The following PCDHGA7 variants were observed in gnomAD, a reference collection of about 807,000 sequenced individuals.
PCDHGA7 encodes the protein protocadherin gamma subfamily A, 7.
A neutral mutation model predicts 58.3 loss-of-function variants in PCDHGA7; 44 were observed. The observed-to-expected ratio is 0.75, with a 90% confidence interval of 0.59 to 0.97. The LOEUF (loss-of-function observed/expected upper bound fraction) is 0.97. PCDHGA7 is among the 50% of genes least tolerant of loss of function. The pLI, the probability that PCDHGA7 is intolerant of heterozygous loss-of-function variation, is 0.00. For missense variants in PCDHGA7, 1,266 were observed against 1,188.7 expected, an observed-to-expected ratio of 1.06 and a Z score of -0.96; for synonymous variants, 516 against 504.2, an observed-to-expected ratio of 1.02 and a Z score of -0.31.
At chr5:141,413,877 G>GAC (rs751994783) in intron 1 of PCDHGA7, 1 of 1,613,386 alleles carries the variant, frequency 6.2e-7, no homozygotes. Flanking sequence ...TTGTCAGTGT[G>GAC]ACTGTCTTCG....
intron 1 of PCDHGA7, chr5:141,410,350 A>G (rs2154543015): frequency 1.2e-6 from 2 of 1,613,912 alleles, no homozygotes; most frequent in South Asian, 1.1e-5. Context: ...TGCGCCTGCG[A>G]CGCTCTCTCA....
At chr5:141,458,988 C>T (rs996478276) in intron 1 of PCDHGA7, among the ~76,000 whole-genome samples, 1 of 152,208 alleles carries the variant, frequency 6.6e-6, no homozygotes, top group South Asian at 2.1e-4. Context: ...CTGCCTCACC[C>T]TCCCAAAGTG....
Position 141,431,431 on chromosome 5 carries a change from C to T in PCDHGA7, c.2424+46108C>T, listed in dbSNP as rs776557037. ...ACGGGGGCGACCCGGTGCGCACAGG[C>T]ACCGCGCGCATCCGCGTGATGGTTC... is the stretch of plus-strand genomic sequence containing the variant. On this transcript the variant is annotated intron_variant, in intron 1 of 3. Transcript: ENST00000518325. This position sits in a 1 kb window ranked among gnomAD's most constrained non-coding sequence, Gnocchi z 4.8. 11 of 1,613,586 alleles carry T rather than the reference C, an allele frequency of 6.8e-6. No individual in the cohort carries two copies. The East Asian group carries it at 1.1e-4, about 16-fold the overall frequency.
intron 1 of PCDHGA7, among the ~76,000 whole-genome samples, chr5:141,445,357 G>C (rs115045385): frequency 0.013 from 1,909 of 152,252 alleles, 31 homozygotes; most frequent in African/African-American, 0.044. Flanking sequence ...GTCTGCCCAA[G>C]TCTGGTCCTG....
At chr5:141,424,198 C>A (rs116187844) in intron 1 of PCDHGA7, 2 of 181,904 alleles carry the variant, frequency 1.1e-5, no homozygotes, top group South Asian at 1.9e-4. Context: ...CACTTATACA[C>A]GTAAGCTTTT....
At position 141,512,047 on chromosome 5, in the gene PCDHGA7, C is replaced by T. The variant is rs1183612907; in HGVS notation, c.*874C>T. 1 of 152,722 alleles carries T rather than the reference C, an allele frequency of 6.5e-6. No individual in the cohort carries two copies. The highest frequency in any genetic ancestry group is 1.5e-5 in the Non-Finnish European group (1 of 68,120). The allele number at this position is 152,722 out of a possible 1,614,324, so 9.5% of individuals were successfully genotyped here. A position where few individuals can be genotyped will look rare whatever the true frequency, so the allele number is the denominator to read the frequency against. On this transcript the variant is annotated 3_prime_UTR_variant, in exon 4 of 4. Coordinates refer to ENST00000518325, the MANE Select transcript of PCDHGA7 (RefSeq NM_018920.4). The stretch of plus-strand genomic sequence containing the variant: ...CCTTGGAGGAGGCTCTGTATGTCCT[C>T]AGGGGACTGACAACATCCTCCAGAT...
At chr5:141,452,781 A>G (rs575869415) in intron 1 of PCDHGA7, among the ~76,000 whole-genome samples, 10 of 152,302 alleles carry the variant, frequency 6.6e-5, no homozygotes, top group African/African-American at 2.4e-4. Flanking sequence ...CTGAGAAAGT[A>G]ACATACCATC....
At chr5:141,473,939 C>T (rs1301939679) in intron 1 of PCDHGA7, among the ~76,000 whole-genome samples, 2 of 152,068 alleles carry the variant, frequency 1.3e-5, no homozygotes, top group African/African-American at 2.4e-5. Context: ...TGCAGTAGCT[C>T]AGGCCTGTAG....
chr5:141,482,248 C>G (rs1056466272), intron 1 of PCDHGA7, among the ~76,000 whole-genome samples: 1 of 152,084 alleles, frequency 6.6e-6, no homozygotes, highest in African/African-American at 2.4e-5. Context: ...AAGTATAGTA[C>G]TGTACATATT....
At chr5:141,433,343 G>A (rs1591274674) in intron 1 of PCDHGA7, 1 of 630,308 alleles carries the variant, frequency 1.6e-6, no homozygotes, top group Admixed American at 3.0e-5. Flanking sequence ...ACAGGTGCAA[G>A]CCACCTACTG....
chr5:141,389,930 C>G (rs1255366269), intron 1 of PCDHGA7: 1 of 1,614,064 alleles, frequency 6.2e-7, no homozygotes, highest in East Asian at 2.2e-5. Flanking sequence ...CCTCTGACCT[C>G]CAGGCTGAGC....
At chr5:141,438,053 C>T (rs1023159995) in intron 1 of PCDHGA7, among the ~76,000 whole-genome samples, 2 of 152,112 alleles carry the variant, frequency 1.3e-5, no homozygotes, top group African/African-American at 4.8e-5. Context: ...TTTGAGTTCA[C>T]TTTTAAGAAA....
intron 3 of PCDHGA7, chr5:141,507,166 GTCC>G (rs1475125845): frequency 6.6e-5 from 10 of 152,288 alleles, no homozygotes; most frequent in Non-Finnish European, 1.2e-4. Context: ...ATGAGAGGCT[GTCC>G]TCTTCCTCGA....
chr5:141,490,288 G>A lies in PCDHGA7; in HGVS notation c.2425-4519G>A. On this transcript the variant is annotated intron_variant, in intron 1 of 3. Coordinates refer to ENST00000518325, the MANE Select transcript of PCDHGA7 (RefSeq NM_018920.4). The surrounding 1 kb of genome is among the most constrained non-coding windows in gnomAD (Gnocchi z 5.4). ...GGATGTCAATGACAATGCCCCAGAG[G>A]TGCTATTGGCCTCTTTGGCCAACCC... The A allele has an allele frequency of 3.7e-6, 6 of 1,614,198 alleles. No individual in the cohort carries two copies. The highest frequency in any genetic ancestry group is 5.1e-6 in the Non-Finnish European group (6 of 1,180,042).
chr5:141,389,905 C>T (rs1254194844), intron 1 of PCDHGA7: 1 of 1,613,984 alleles, frequency 6.2e-7, no homozygotes, highest in Non-Finnish European at 8.5e-7. Flanking sequence ...CCGGATATCA[C>T]TGACCGCCCC....
At chr5:141,394,395 C>A (rs1238779909) in intron 1 of PCDHGA7, 3 of 1,614,146 alleles carry the variant, frequency 1.9e-6, no homozygotes, top group African/African-American at 1.3e-5. Context: ...GATCCGAGAC[C>A]TGCAGCTACT....
chr5:141,402,451 G>A (rs2094267451), intron 1 of PCDHGA7, among the ~76,000 whole-genome samples: 1 of 152,016 alleles, frequency 6.6e-6, no homozygotes. Context: ...AATTATAATA[G>A]TTTACATATC....
chr5:141,430,048 A>G (rs2097258677), intron 1 of PCDHGA7, among the ~76,000 whole-genome samples: 1 of 152,222 alleles, frequency 6.6e-6, no homozygotes, highest in African/African-American at 2.4e-5. Flanking sequence ...AATGTATACA[A>G]TCACATATCA....
Position 141,420,738 on chromosome 5 carries a change from T to C in PCDHGA7, c.2424+35415T>C, listed in dbSNP as rs550966989. 1.5e-4 allele frequency among the ~76,000 whole-genome samples: 23 copies of C among 152,358 alleles called. 1 individual carries two copies. In the South Asian group the frequency reaches 4.6e-3, roughly 30 times the overall value. ...GTTCCTTTCAGTCGGTTAAAATCAA[T>C]TGGAACCAACTACAACCTACAAGTT... On this transcript the variant is annotated intron_variant, in intron 1 of 3. Transcript: ENST00000518325.
Sources: gnomAD v4.1 joint callset for allele counts (sites outside exome capture counted in the v4.1 genomes callset) on GRCh38, gnomAD v4.1.1 for gene constraint, Gnocchi (gnomAD v3.1) non-coding constraint, MANE v1.5 for transcripts, NCBI Gene and HGNC (gene_info 2026-07-23, HGNC 2026-07-21) for gene names.